LRP1B: variants seen among roughly 807,000 people sequenced by gnomAD.
The protein encoded by LRP1B is LDL receptor related protein 1B.
A neutral mutation model predicts 556.6 loss-of-function variants in LRP1B; 217 were observed. The observed-to-expected ratio is 0.39, with a 90% CI of 0.35 to 0.44. LRP1B has a LOEUF of 0.44. Among genes scored for constraint, LRP1B ranks in the 20% least tolerant of loss-of-function variants. LRP1B has a pLI of 1.00. For missense variants in LRP1B, 5,053 were observed against 5,620.8 expected (o/e 0.90, Z 3.23); for synonymous variants, 2,047 against 1,865.8 (o/e 1.10, Z -2.50).
At chr2:141,853,098 G>T (rs1356601371) in intron 1 of LRP1B, among the ~76,000 whole-genome samples, 2 of 151,648 alleles carry the variant, frequency 1.3e-5, no homozygotes, top group Non-Finnish European at 3.0e-5. Context: ...TCTGGTGGTT[G>T]TTAGCTACCC....
At chr2:141,059,332 AG>A (rs1410333920) in intron 8 of LRP1B, among the ~76,000 whole-genome samples, 1 of 151,742 alleles carries the variant, frequency 6.6e-6, no homozygotes, top group African/African-American at 2.4e-5. Flanking sequence ...TATTTTTCAA[AG>A]GCTTGTGAGA....
intron 2 of LRP1B, among the ~76,000 whole-genome samples, chr2:141,498,114 C>T (rs966652141): frequency 2.0e-5 from 3 of 151,804 alleles, no homozygotes; most frequent in African/African-American, 7.3e-5. Context: ...GTATTTGATG[C>T]TAAGATACTA....
At chr2:140,730,234 C>T (rs1333961306) in intron 35 of LRP1B, among the ~76,000 whole-genome samples, 3 of 152,168 alleles carry the variant, frequency 2.0e-5, no homozygotes, top group Non-Finnish European at 4.4e-5. Flanking sequence ...CTCAAATACA[C>T]TCTAACAACT....
chr2:141,932,372 A>G (rs1700532769), intron 1 of LRP1B, among the ~76,000 whole-genome samples: 1 of 152,102 alleles, frequency 6.6e-6, no homozygotes, highest in Non-Finnish European at 1.5e-5. Flanking sequence ...ATTGTAAAGC[A>G]CTATATAATA....
At position 140,361,365 on chromosome 2, in the gene LRP1B, T is replaced by TATATATATATAC. The variant is rs1202714310; in HGVS notation, c.11132-2420_11132-2419insGTATATATATAT. Among the ~76,000 whole-genome samples, 64 of 130,696 alleles carry TATATATATATAC rather than the reference T, an allele frequency of 4.9e-4. 1 individual carries two copies. The highest frequency in any genetic ancestry group is 3.9e-3 in the Middle Eastern group (1 of 258). 85.7% of individuals were successfully genotyped at this position (130,696 alleles called of 152,430 possible). ...GCATATATATATATATATATATATA[T>TATATATATATAC]ATATATATATATATAACAAAAATAA... On this transcript the variant is annotated intron_variant, in intron 72 of 90. Coordinates refer to ENST00000389484, the MANE Select transcript of LRP1B (RefSeq NM_018557.3).
intron 6 of LRP1B, among the ~76,000 whole-genome samples, chr2:141,191,265 C>A (rs1200630166): frequency 1.3e-5 from 2 of 151,856 alleles, no homozygotes; most frequent in South Asian, 2.1e-4. Context: ...TCTTGTTAAT[C>A]TTTTGTTAGT....
chr2:141,985,518 G>C (rs988434620), intron 1 of LRP1B, among the ~76,000 whole-genome samples: 2 of 151,516 alleles, frequency 1.3e-5, no homozygotes, highest in African/African-American at 2.4e-5. Flanking sequence ...TATTTTTTTG[G>C]GGGGGGTATC....
At chr2:140,304,491 G>C (rs71415484) in intron 83 of LRP1B, among the ~76,000 whole-genome samples, 50,280 of 151,904 alleles carry the variant, frequency 0.33, 9,059 homozygotes, top group Non-Finnish European at 0.42. Flanking sequence ...CCTTCACCCA[G>C]TTTTTGATGG....
intron 66 of LRP1B, among the ~76,000 whole-genome samples, chr2:140,422,043 A>G (rs553202664): frequency 3.9e-5 from 6 of 152,342 alleles, no homozygotes; most frequent in African/African-American, 1.2e-4. Flanking sequence ...TATTGAAATG[A>G]TTAGGAGGGA....
At chr2:141,774,724 A>G (rs1310197502) in intron 2 of LRP1B, among the ~76,000 whole-genome samples, 1 of 152,186 alleles carries the variant, frequency 6.6e-6, no homozygotes, top group Non-Finnish European at 1.5e-5. Context: ...ATATGTAGAC[A>G]TTAGTCCATC....
chr2:140,558,097 T>C (rs971370931), intron 43 of LRP1B, among the ~76,000 whole-genome samples: 4 of 152,114 alleles, frequency 2.6e-5, no homozygotes, highest in African/African-American at 9.7e-5. Flanking sequence ...AAGATGGCTA[T>C]CATGGAAAAG....
At chr2:140,560,900 T>C (rs1680905196) in intron 43 of LRP1B, among the ~76,000 whole-genome samples, 1 of 152,140 alleles carries the variant, frequency 6.6e-6, no homozygotes, top group Admixed American at 6.6e-5. Flanking sequence ...TTGGAACAAC[T>C]ATATATATAC....
At position 141,890,335 on chromosome 2, in the gene LRP1B, T is replaced by C. The variant is rs13021504; in HGVS notation, c.83-79934A>G. On this transcript the variant is annotated intron_variant, in intron 1 of 90. Coordinates refer to ENST00000389484, the MANE Select transcript of LRP1B (RefSeq NM_018557.3). ...TAAGGGCACAATACATATATATATATATATATATATATATATGTATTGTGC... is the reference window on the plus strand; with the variant it reads ...TAAGGGCACAATACATATATATATACATATATATATATATATGTATTGTGC... Among the ~76,000 whole-genome samples the C allele has an allele frequency of 2.0e-3, 156 of 76,322 alleles. 1 individual carries two copies. The highest frequency in any genetic ancestry group is 3.8e-3 in the African/African-American group (82 of 21,370). 50.1% of individuals were successfully genotyped at this position (76,322 alleles called of 152,430 possible).
intron 2 of LRP1B, among the ~76,000 whole-genome samples, chr2:141,740,033 A>C (rs1455932850): frequency 6.6e-6 from 1 of 152,144 alleles, no homozygotes; most frequent in Non-Finnish European, 1.5e-5. Flanking sequence ...AAATAAAACA[A>C]AAATTAATAA....
chr2:141,225,481 G>C (rs1683210151), intron 6 of LRP1B, among the ~76,000 whole-genome samples: 1 of 151,994 alleles, frequency 6.6e-6, no homozygotes, highest in South Asian at 2.1e-4. Context: ...TTGTTATTTT[G>C]GGTATCTGTG....
At chr2:142,111,737 G>T (rs1022317849) in intron 1 of LRP1B, among the ~76,000 whole-genome samples, 8 of 152,036 alleles carry the variant, frequency 5.3e-5, no homozygotes, top group African/African-American at 1.9e-4. Context: ...ATCCATGCCA[G>T]TCTTAAATAT....
In LRP1B at chr2:140,395,881, AT is replaced by A. The variant is rs921014236; in HGVS notation, c.10415-9873del. ...CTATCGCACTTGACTAGAATTTGTGATTTTTTTTTCTCATTTAGAAATTTGT... is the reference window on the plus strand; with the variant it reads ...CTATCGCACTTGACTAGAATTTGTGATTTTTTTTCTCATTTAGAAATTTGT... On this transcript the variant is annotated intron_variant, in intron 66 of 90. Transcript: ENST00000389484. Among the ~76,000 whole-genome samples the A allele has an allele frequency of 3.5e-3, 528 of 151,244 alleles. 5 individuals are homozygous for A. The highest frequency in any genetic ancestry group is 0.012 in the African/African-American group (510 of 41,210).
At chr2:141,479,774 C>A (rs190717685) in intron 3 of LRP1B, among the ~76,000 whole-genome samples, 3 of 152,222 alleles carry the variant, frequency 2.0e-5, no homozygotes, top group Admixed American at 6.5e-5. Flanking sequence ...CCACCCCGCA[C>A]TAGAAAGTGC....
chr2:141,093,297 A>G (rs549745853), intron 7 of LRP1B, among the ~76,000 whole-genome samples: 1 of 152,256 alleles, frequency 6.6e-6, no homozygotes, highest in Non-Finnish European at 1.5e-5. Context: ...TTGCACATGG[A>G]AGTCCTCGTC....
Sources: allele counts gnomAD v4.1 joint callset (sites outside exome capture counted in the v4.1 genomes callset), GRCh38; gene constraint gnomAD v4.1.1; transcripts MANE v1.5; gene names NCBI Gene and HGNC (gene_info 2026-07-23, HGNC 2026-07-21).